Variants in SCAF8 observed in about 807,000 individuals in gnomAD.
SCAF8 encodes SR-related CTD associated factor 8, also known as SR-related and CTD-associated factor 8.
SCAF8 carries 23 observed loss-of-function variants against 140.5 expected under a neutral mutation model. The ratio of observed to expected loss-of-function variants is 0.16; its 90% confidence interval spans 0.12 to 0.23. The LOEUF (loss-of-function observed/expected upper bound fraction) is 0.23, where lower values mean the gene tolerates loss of function less well. SCAF8 is among the 10% of genes least tolerant of loss of function. The pLI, the probability that SCAF8 is intolerant of heterozygous loss-of-function variation, is 1.00. For missense variants in SCAF8, 1,397 were observed against 1,555.7 expected, an observed-to-expected ratio of 0.90 and a Z score of 1.72; for synonymous variants, 575 against 528.9, an observed-to-expected ratio of 1.09 and a Z score of -1.20.
intron 1 of SCAF8, among the ~76,000 whole-genome samples, chr6:154,766,667 C>T (rs890449305): frequency 9.9e-6 from 1 of 101,478 alleles, no homozygotes; most frequent in East Asian, 7.8e-4. Flanking sequence ...GCACCCCCCC[C>T]CCTTTTTTTT....
chr6:154,768,892 G>A (rs958067209), intron 1 of SCAF8, among the ~76,000 whole-genome samples: 2 of 151,964 alleles, frequency 1.3e-5, no homozygotes, highest in Admixed American at 6.6e-5. Context: ...GCAAAACCCT[G>A]TCTCTACTAA....
In SCAF8 at chr6:154,822,344, G is replaced by A; in HGVS notation, c.1861G>A (p.Val621Ile). Residue 621 changes from valine (V) to isoleucine (I), a missense_variant, in exon 16 of 20, where the codon GTT (valine) becomes ATT (isoleucine). Coordinates refer to ENST00000367178, the MANE Select transcript of SCAF8 (RefSeq NM_014892.5). ...CCAGACAACTCAGAGCCCAACTCCAGTTGAAAAGGAGACAGTGGTCACAAC... is the reference window on the plus strand; with the variant it reads ...CCAGACAACTCAGAGCCCAACTCCAATTGAAAAGGAGACAGTGGTCACAAC... ...TVQTTQSPTP[V>I]EKETVVTTQA... 6.2e-7 allele frequency: 1 copy of A among 1,613,792 alleles called. No homozygotes were observed. Among genetic ancestry groups the A allele is most frequent in the African/African-American group, 1.3e-5 (1 of 75,040 alleles).
chr6:154,802,653 C>T (rs1777804494), intron 7 of SCAF8, among the ~76,000 whole-genome samples: 1 of 151,814 alleles, frequency 6.6e-6, no homozygotes, highest in Non-Finnish European at 1.5e-5. Context: ...ATTTTTGAAA[C>T]ATTTAAAATA....
intron 1 of SCAF8, among the ~76,000 whole-genome samples, chr6:154,738,641 C>G (rs1325932346): frequency 6.6e-6 from 1 of 152,152 alleles, no homozygotes; most frequent in Non-Finnish European, 1.5e-5. Context: ...AGCAGTTAAC[C>G]ATAAGAGAAT....
At chr6:154,807,850 CCCTT>C (rs748350358) in intron 9 of SCAF8, among the ~76,000 whole-genome samples, 39 of 152,206 alleles carry the variant, frequency 2.6e-4, no homozygotes, top group East Asian at 1.9e-4. Context: ...ATATTTTAGT[CCCTT>C]CCTTTTATGG....
At chr6:154,763,533 C>T (rs926971770) in intron 1 of SCAF8, among the ~76,000 whole-genome samples, 14 of 151,984 alleles carry the variant, frequency 9.2e-5, no homozygotes, top group African/African-American at 3.4e-4. Flanking sequence ...TTTGTTGGGC[C>T]CTTTAAGGTC....
intron 6 of SCAF8, among the ~76,000 whole-genome samples, chr6:154,797,175 AAACT>A (rs1777632613): frequency 7.0e-6 from 1 of 143,764 alleles, no homozygotes; most frequent in Non-Finnish European, 1.6e-5. Flanking sequence ...ATTTTTTTAA[AAACT>A]AACTTTGGCA....
At chr6:154,752,381 T>A (rs2114809503) in intron 1 of SCAF8, among the ~76,000 whole-genome samples, 1 of 152,340 alleles carries the variant, frequency 6.6e-6, no homozygotes, top group South Asian at 2.1e-4. Context: ...AATGGTATAT[T>A]TCCTGACTAC....
chr6:154,791,270 A>G (rs548861220), intron 4 of SCAF8, among the ~76,000 whole-genome samples: 2 of 152,344 alleles, frequency 1.3e-5, no homozygotes, highest in East Asian at 3.9e-4. Flanking sequence ...TAATTATGTT[A>G]CTAGATTTCA....
At chr6:154,805,637 T>C in intron 9 of SCAF8, 151 bp downstream of exon 9, 3 of 424,804 alleles carry the variant, frequency 7.1e-6, no homozygotes, top group Middle Eastern at 5.4e-4. Flanking sequence ...TATTTCTTTC[T>C]AAAGTTTGTT....
Position 154,803,751 on chromosome 6 carries a change from G to A in SCAF8, c.863+128G>A, listed in dbSNP as rs78056489. On this transcript the variant is annotated intron_variant, in intron 8 of 19. Coordinates refer to ENST00000367178, the MANE Select transcript of SCAF8 (RefSeq NM_014892.5). Reference sequence around the variant, plus strand: ...TGTTGAACCTCTAACATTATACAAAGGTGGTAGAGATATGTCTTGTTGTCT... The same window carrying A: ...TGTTGAACCTCTAACATTATACAAAAGTGGTAGAGATATGTCTTGTTGTCT... 1,237 of 629,884 alleles carry A rather than the reference G, an allele frequency of 2.0e-3. 16 individuals are homozygous for A. In the African/African-American group the frequency reaches 0.02, roughly 10 times the overall value. 39.0% of individuals were successfully genotyped at this position (629,884 alleles called of 1,614,324 possible).
At chr6:154,805,101 A>G (rs1316756589) in intron 8 of SCAF8, among the ~76,000 whole-genome samples, 1 of 152,176 alleles carries the variant, frequency 6.6e-6, no homozygotes, top group Non-Finnish European at 1.5e-5. Context: ...ATTTATATGT[A>G]TTTAACAGCC....
rs117355954 is a variant in SCAF8, at chr6:154,756,835, C to T, written c.31-17154C>T. ...TGAGCCTCAGGAGTTTTAAGACCAG[C>T]CTGGACAACATAACGAAACCCGTCT... On this transcript the variant is annotated intron_variant, in intron 1 of 19. Transcript: ENST00000367178. Among the ~76,000 whole-genome samples the T allele has an allele frequency of 5.1e-3, 773 of 152,024 alleles. 44 individuals are homozygous for T. In the East Asian group the frequency reaches 0.13, roughly 25 times the overall value.
intron 18 of SCAF8, among the ~76,000 whole-genome samples, chr6:154,829,337 G>A (rs1489120035): frequency 6.6e-6 from 1 of 151,226 alleles, no homozygotes; most frequent in Non-Finnish European, 1.5e-5. Flanking sequence ...GTAATGTAAT[G>A]CAACAGTAAA....
At chr6:154,813,388 A>T (rs542094849) in intron 12 of SCAF8, among the ~76,000 whole-genome samples, 1 of 152,110 alleles carries the variant, frequency 6.6e-6, no homozygotes, top group Admixed American at 6.6e-5. Context: ...AAGCATGGTG[A>T]TGGTGTGCCT....
At chr6:154,744,794 G>C (rs993253123) in intron 1 of SCAF8, among the ~76,000 whole-genome samples, 18 of 152,150 alleles carry the variant, frequency 1.2e-4, no homozygotes, top group Admixed American at 9.2e-4. Context: ...TAAGAATGAT[G>C]AATAATTTTT....
At chr6:154,825,052 A>T (rs893135769) in intron 17 of SCAF8, 1 of 152,186 alleles carries the variant, frequency 6.6e-6, no homozygotes, top group African/African-American at 2.4e-5. Flanking sequence ...TCAGCATTTC[A>T]TCAGAAAATT....
chr6:154,753,106 A>G (rs1301160964), intron 1 of SCAF8, among the ~76,000 whole-genome samples: 1 of 151,918 alleles, frequency 6.6e-6, no homozygotes, highest in Non-Finnish European at 1.5e-5. Context: ...AGGTGGGCAG[A>G]TCACCTGAGG....
chr6:154,788,456 T>G (rs1475973786), intron 4 of SCAF8, among the ~76,000 whole-genome samples: 1 of 152,232 alleles, frequency 6.6e-6, no homozygotes, highest in East Asian at 1.9e-4. Context: ...CTTAGTTATT[T>G]CAAATTTGAA....
Sources: gnomAD v4.1 joint callset for allele counts (sites outside exome capture counted in the v4.1 genomes callset) on GRCh38, gnomAD v4.1.1 for gene constraint, MANE v1.5 for transcripts, NCBI Gene and HGNC (gene_info 2026-07-23, HGNC 2026-07-21) for gene names.